The following RGS17 variants were observed in gnomAD, a reference collection of about 807,000 sequenced individuals.
RGS17 encodes regulator of G-protein signaling 17.
In RGS17, 12 loss-of-function variants were observed where a neutral mutation model predicts 25.5. The observed-to-expected ratio is 0.47, with a 90% confidence interval of 0.30 to 0.76. The LOEUF is 0.76. Among genes scored for constraint, RGS17 ranks in the 30% least tolerant of loss-of-function variants. The pLI, the probability that RGS17 is intolerant of heterozygous loss-of-function variation, is 0.07. For synonymous variants in RGS17, 71 were observed against 76.9 expected, an observed-to-expected ratio of 0.92 and a Z score of 0.40; for missense variants, 196 against 242.2, an observed-to-expected ratio of 0.81 and a Z score of 1.27.
chr6:153,120,233 TA>T (rs1777606730), intron 1 of RGS17, among the ~76,000 whole-genome samples: 1 of 152,246 alleles, frequency 6.6e-6, no homozygotes, highest in Non-Finnish European at 1.5e-5. Context: ...TGAGGCTTTT[TA>T]ATCAATGGCG....
chr6:153,028,552 G>A (rs1052646076), intron 2 of RGS17, among the ~76,000 whole-genome samples: 1 of 152,118 alleles, frequency 6.6e-6, no homozygotes, highest in East Asian at 1.9e-4. Context: ...GAGTAAGAAA[G>A]TTCTTCTCTG....
At chr6:153,104,884 A>G (rs1339101333) in intron 1 of RGS17, among the ~76,000 whole-genome samples, 1 of 152,114 alleles carries the variant, frequency 6.6e-6, no homozygotes, top group African/African-American at 2.4e-5. Flanking sequence ...CTGAGAAAGA[A>G]AAAGGAGATA....
chr6:153,094,057 AT>A (rs1777171070), intron 1 of RGS17, among the ~76,000 whole-genome samples: 1 of 151,620 alleles, frequency 6.6e-6, no homozygotes, highest in African/African-American at 2.4e-5. Flanking sequence ...CTATGCCTAA[AT>A]ATATTACACA....
At chr6:153,120,575 C>A (rs920559688) in intron 1 of RGS17, among the ~76,000 whole-genome samples, 1 of 152,150 alleles carries the variant, frequency 6.6e-6, no homozygotes, top group Non-Finnish European at 1.5e-5. Flanking sequence ...GACCGCCCCC[C>A]TGCATGGACT....
In RGS17 at chr6:153,043,950, C is replaced by A. The variant is rs1776354599; in HGVS notation, c.69G>T (p.Arg23Ser). ...AACAAAAGCAACAGGTGTTGTTGGG[C>A]CTCTGGTTTCCAGGAGCTTGAGACA... ...PAVSQAPGNQRPNNTCCFCWC... is the reference protein window; with the variant it reads ...PAVSQAPGNQSPNNTCCFCWC... Residue 23 changes from arginine to serine, a missense_variant, in exon 2 of 5, where the codon AGG becomes AGT. Around this residue, in one of 2 missense-constraint regions of RGS17, gnomAD observed 17 missense variants for 44.7 expected, o/e 0.38. Coordinates refer to ENST00000206262, the MANE Select transcript of RGS17 (RefSeq NM_012419.5). 6.2e-7 allele frequency: 1 copy of A among 1,612,970 alleles called. No homozygotes were observed. Among genetic ancestry groups the A allele is most frequent in the Non-Finnish European group, 8.5e-7 (1 of 1,179,576 alleles).
intron 1 of RGS17, among the ~76,000 whole-genome samples, chr6:153,060,029 C>G (rs1298753410): frequency 2.0e-5 from 3 of 152,108 alleles, no homozygotes; most frequent in Non-Finnish European, 4.4e-5. Context: ...CAGGTCAGGT[C>G]TCAGGTCACT....
chr6:153,100,580 T>C (rs886348523), intron 1 of RGS17, among the ~76,000 whole-genome samples: 9 of 152,254 alleles, frequency 5.9e-5, no homozygotes, highest in South Asian at 2.1e-4. Flanking sequence ...AAGGAAATAG[T>C]TTAAATGCCA....
At chr6:153,053,893 CACAT>C (rs1393114188) in intron 1 of RGS17, among the ~76,000 whole-genome samples, 4 of 137,230 alleles carry the variant, frequency 2.9e-5, no homozygotes, top group Non-Finnish European at 6.2e-5. Context: ...TTTTCTTTTT[CACAT>C]ACATACATAC....
At chr6:153,030,759 A>G (rs939432251) in intron 2 of RGS17, among the ~76,000 whole-genome samples, 27 of 152,192 alleles carry the variant, frequency 1.8e-4, no homozygotes, top group African/African-American at 6.3e-4. Flanking sequence ...ATGTGTATGA[A>G]ACACTGGTTC....
Position 153,130,225 on chromosome 6 carries a change from C to A in RGS17, c.-26+899G>T, listed in dbSNP as rs1761206975. Among the ~76,000 whole-genome samples, 1 of 152,172 alleles carries A rather than the reference C, an allele frequency of 6.6e-6. No homozygotes were observed. The highest frequency in any genetic ancestry group is 6.5e-5 in the Admixed American group (1 of 15,278). ...CTCTGCCGCAGCACTCGATGAGGGACAGCAGGGAGGCTGGCGGGGAGGCAG... is the reference window on the plus strand; with the variant it reads ...CTCTGCCGCAGCACTCGATGAGGGAAAGCAGGGAGGCTGGCGGGGAGGCAG... On this transcript the variant is annotated intron_variant, in intron 1 of 4. Coordinates refer to ENST00000206262, the MANE Select transcript of RGS17 (RefSeq NM_012419.5). This position sits in a 1 kb window ranked among gnomAD's most constrained non-coding sequence, Gnocchi z 6.4.
chr6:153,021,465 T>C (rs1028691838), intron 4 of RGS17, among the ~76,000 whole-genome samples: 6 of 152,216 alleles, frequency 3.9e-5, no homozygotes, highest in Non-Finnish European at 8.8e-5. Flanking sequence ...GCTGAGTATA[T>C]CAATGAGTCG....
chr6:153,015,678 TA>T (rs1191800337), intron 4 of RGS17, among the ~76,000 whole-genome samples: 71 of 151,924 alleles, frequency 4.7e-4, no homozygotes, highest in Admixed American at 2.6e-4. Context: ...TTTTTTTTTT[TA>T]GTCTCGCTCT....
At chr6:153,122,131 G>C (rs1331197615) in intron 1 of RGS17, among the ~76,000 whole-genome samples, 1 of 151,958 alleles carries the variant, frequency 6.6e-6, no homozygotes, top group Non-Finnish European at 1.5e-5. Context: ...CTTTTTACTT[G>C]ACTCTCCTTC....
At chr6:153,020,109 A>ATATATATATATATATATAT (rs1371960019) in intron 4 of RGS17, among the ~76,000 whole-genome samples, 4 of 60,888 alleles carry the variant, frequency 6.6e-5, no homozygotes, top group Admixed American at 4.6e-4. Context: ...TTAAAAAAAA[A>ATATATATATATATATATAT]AAATATATAT....
At chr6:153,076,902 GA>G (rs1718691098) in intron 1 of RGS17, among the ~76,000 whole-genome samples, 1 of 152,170 alleles carries the variant, frequency 6.6e-6, no homozygotes, top group South Asian at 2.1e-4. Context: ...AATGGATTCT[GA>G]AACTGTAACA....
intron 1 of RGS17, among the ~76,000 whole-genome samples, chr6:153,085,522 G>A (rs687508): frequency 0.5 from 75,667 of 151,956 alleles, 19,479 homozygotes; most frequent in Non-Finnish European, 0.56. Flanking sequence ...GTTTATTACC[G>A]GTTCACACTG....
At chr6:153,041,223 T>A (rs1028915559) in intron 2 of RGS17, among the ~76,000 whole-genome samples, 21 of 152,134 alleles carry the variant, frequency 1.4e-4, no homozygotes, top group Non-Finnish European at 2.5e-4. Context: ...AAATTTTCTA[T>A]CATTTATCAT....
At chr6:153,070,778 TATAC>T (rs1776782158) in intron 1 of RGS17, among the ~76,000 whole-genome samples, 1 of 151,160 alleles carries the variant, frequency 6.6e-6, no homozygotes, top group African/African-American at 2.4e-5. Flanking sequence ...CATATACACA[TATAC>T]ATATATACAC....
intron 1 of RGS17, among the ~76,000 whole-genome samples, chr6:153,046,484 C>A (rs960108046): frequency 1.3e-5 from 2 of 150,800 alleles, no homozygotes; most frequent in African/African-American, 4.9e-5. Flanking sequence ...TGAATATGTA[C>A]AATTATTATT....
Sources: allele counts gnomAD v4.1 joint callset (sites outside exome capture counted in the v4.1 genomes callset), GRCh38; gene constraint gnomAD v4.1.1; regional missense constraint gnomAD v4.1.1; non-coding constraint Gnocchi (gnomAD v3.1); transcripts MANE v1.5; gene names NCBI Gene and HGNC (gene_info 2026-07-23, HGNC 2026-07-21).